The following WWOX variants were observed in gnomAD, a reference collection of about 807,000 sequenced individuals.
WWOX encodes WW domain containing oxidoreductase.
In WWOX, 69 loss-of-function variants were observed where a neutral mutation model predicts 46.2. The ratio of observed to expected loss-of-function variants is 1.49; its 90% CI spans 1.23 to 1.82. The LOEUF is 1.82. Among genes scored for constraint, WWOX ranks in the 40% most tolerant of loss-of-function variants. WWOX has a pLI of 0.00. For synonymous variants in WWOX, 359 were observed against 202.6 expected, an observed-to-expected ratio of 1.77 and a Z score of -6.56; for missense variants, 919 against 542.6, an observed-to-expected ratio of 1.69 and a Z score of -6.89.
chr16:78,988,107 C>T lies in WWOX; in HGVS notation c.1057-223501C>T, dbSNP rs145613306. On this transcript the variant is annotated intron_variant, in intron 8 of 8. Transcript: ENST00000566780. Reference sequence around the variant, plus strand: ...CCTGTAATACCAGCAGTTTGGGAGGCCGAGGCTGGTGGATCACCTGAGGTC... The same window carrying T: ...CCTGTAATACCAGCAGTTTGGGAGGTCGAGGCTGGTGGATCACCTGAGGTC... Among the ~76,000 whole-genome samples the T allele has an allele frequency of 6.6e-5, 10 of 152,114 alleles. No individual in the cohort carries two copies. In the South Asian group the frequency reaches 8.3e-4, roughly 13 times the overall value.
intron 8 of WWOX, among the ~76,000 whole-genome samples, chr16:79,177,390 T>A (rs1425637540): frequency 6.6e-6 from 1 of 152,194 alleles, no homozygotes; most frequent in Non-Finnish European, 1.5e-5. Flanking sequence ...CCTCCGTGGC[T>A]GGGTTTGGAT....
chr16:78,255,336 T>C (rs903918670), intron 5 of WWOX, among the ~76,000 whole-genome samples: 1 of 152,072 alleles, frequency 6.6e-6, no homozygotes. Context: ...AAAAGGAACA[T>C]AATGAATAAA....
At chr16:78,897,667 T>TA (rs1369442489) in intron 8 of WWOX, 1 of 152,166 alleles carries the variant, frequency 6.6e-6, no homozygotes, top group Non-Finnish European at 1.5e-5. Context: ...TTTATGCCCT[T>TA]ATGTTTTTAT....
chr16:78,148,610 C>T (rs1050471378), intron 4 of WWOX, among the ~76,000 whole-genome samples: 1 of 151,738 alleles, frequency 6.6e-6, no homozygotes, highest in African/African-American at 2.4e-5. Flanking sequence ...ATAAAAGTGC[C>T]ATGTTGGCTG....
intron 8 of WWOX, among the ~76,000 whole-genome samples, chr16:78,500,786 G>A (rs886548798): frequency 6.6e-6 from 1 of 152,160 alleles, no homozygotes; most frequent in Non-Finnish European, 1.5e-5. Context: ...TTCAGGCAGT[G>A]TTTACCAAAA....
chr16:78,722,203 C>T (rs564088954), intron 8 of WWOX, among the ~76,000 whole-genome samples: 2 of 152,316 alleles, frequency 1.3e-5, no homozygotes, highest in South Asian at 4.1e-4. Context: ...GGCACGATGA[C>T]CGCAGCTCCT....
At chr16:78,965,012 A>G (rs776379672) in intron 8 of WWOX, among the ~76,000 whole-genome samples, 1 of 152,202 alleles carries the variant, frequency 6.6e-6, no homozygotes, top group Non-Finnish European at 1.5e-5. Flanking sequence ...CAGAAAATAT[A>G]TGGAAACACC....
Position 78,743,900 on chromosome 16 carries a change from C to G in WWOX, c.1056+311148C>G, listed in dbSNP as rs536824278. On this transcript the variant is annotated intron_variant, in intron 8 of 8. Transcript: ENST00000566780. The stretch of plus-strand genomic sequence containing the variant: ...ATTTAAACCCCAGAAAATTCTTTAA[C>G]CAGGCTCTTGAGCCTCTATGCTTGG... Among the ~76,000 whole-genome samples the G allele has an allele frequency of 3.4e-4, 52 of 152,320 alleles. No individual in the cohort carries two copies. The East Asian group carries it at 6.0e-3, about 18-fold the overall frequency.
At chr16:78,745,721 T>G (rs908642896) in intron 8 of WWOX, among the ~76,000 whole-genome samples, 1 of 149,814 alleles carries the variant, frequency 6.7e-6, no homozygotes, top group African/African-American at 2.5e-5. Flanking sequence ...CTCATAGATT[T>G]CTTCTTTTCC....
chr16:79,070,903 T>C (rs1304408947), intron 8 of WWOX, among the ~76,000 whole-genome samples: 1 of 152,142 alleles, frequency 6.6e-6, no homozygotes, highest in East Asian at 1.9e-4. Context: ...TGAAGTAGCA[T>C]CGTCACTCAG....
At chr16:78,856,551 G>C (rs1415259786) in intron 8 of WWOX, among the ~76,000 whole-genome samples, 2 of 152,112 alleles carry the variant, frequency 1.3e-5, no homozygotes, top group Non-Finnish European at 2.9e-5. Context: ...TCTGAGGCAG[G>C]AGAATCCCTT....
At chr16:79,107,921 G>A (rs996960206) in intron 8 of WWOX, among the ~76,000 whole-genome samples, 1 of 152,152 alleles carries the variant, frequency 6.6e-6, no homozygotes, top group Non-Finnish European at 1.5e-5. Flanking sequence ...AAATGATTAG[G>A]GACATGGTGA....
chr16:79,122,435 C>G (rs986126244), intron 8 of WWOX, among the ~76,000 whole-genome samples: 2 of 152,124 alleles, frequency 1.3e-5, no homozygotes, highest in African/African-American at 4.8e-5. Flanking sequence ...TGGGCAAGCA[C>G]GGCATCTCTT....
At chr16:78,250,267 A>G (rs948092297) in intron 5 of WWOX, among the ~76,000 whole-genome samples, 13 of 152,238 alleles carry the variant, frequency 8.5e-5, no homozygotes, top group Admixed American at 2.0e-4. Context: ...TACCCATGCC[A>G]GGGTCACAAG....
intron 5 of WWOX, among the ~76,000 whole-genome samples, chr16:78,224,245 C>A (rs575733089): frequency 1.3e-5 from 2 of 152,026 alleles, no homozygotes; most frequent in Non-Finnish European, 2.9e-5. Flanking sequence ...CCTCGTGATC[C>A]GCCTGCCTCG....
At chr16:79,066,110 C>G (rs2048436237) in intron 8 of WWOX, among the ~76,000 whole-genome samples, 1 of 152,180 alleles carries the variant, frequency 6.6e-6, no homozygotes, top group African/African-American at 2.4e-5. Context: ...CCTGCTTTTT[C>G]TTTTTGTGCA....
At chr16:78,456,074 T>C (rs1245829580) in intron 8 of WWOX, among the ~76,000 whole-genome samples, 1 of 152,186 alleles carries the variant, frequency 6.6e-6, no homozygotes, top group African/African-American at 2.4e-5. Context: ...TGGACAAGGC[T>C]ATGTAACTAA....
chr16:78,386,600 G>A (rs866202702), intron 5 of WWOX, among the ~76,000 whole-genome samples: 5 of 151,876 alleles, frequency 3.3e-5, no homozygotes, highest in African/African-American at 7.3e-5. Flanking sequence ...CCTCTTTTGC[G>A]CGGCTGAAAC....
intron 5 of WWOX, among the ~76,000 whole-genome samples, chr16:78,261,788 C>CTATATA (rs71384369): frequency 3.3e-3 from 240 of 73,704 alleles, no homozygotes; most frequent in Middle Eastern, 7.5e-3. Flanking sequence ...ATCTATCTAT[C>CTATATA]TATATATATA....
Sources: allele counts gnomAD v4.1 joint callset (sites outside exome capture counted in the v4.1 genomes callset), GRCh38; gene constraint gnomAD v4.1.1; transcripts MANE v1.5; gene names NCBI Gene and HGNC (gene_info 2026-07-23, HGNC 2026-07-21).